The following KIF13A variants were observed in gnomAD, a reference collection of about 807,000 sequenced individuals.
The protein encoded by KIF13A is kinesin-like protein KIF13A.
KIF13A carries 79 observed loss-of-function variants against 212.2 expected under a neutral mutation model. The ratio of observed to expected loss-of-function variants is 0.37; its 90% confidence interval spans 0.31 to 0.45. The LOEUF (loss-of-function observed/expected upper bound fraction) is 0.45. Ranked by LOEUF, KIF13A falls within the 20% of genes least tolerant of loss-of-function variation. KIF13A has a pLI of 1.00. For missense variants in KIF13A, 1,901 were observed against 2,209.0 expected (o/e 0.86, Z 2.79); for synonymous variants, 789 against 808.6 (o/e 0.98, Z 0.41).
At position 17,984,066 on chromosome 6, in the gene KIF13A, G is replaced by C. The variant is rs547628250; in HGVS notation, c.146+2988C>G. 4.6e-5 allele frequency among the ~76,000 whole-genome samples: 7 copies of C among 152,250 alleles called. No homozygotes were observed. The highest frequency in any genetic ancestry group is 1.7e-4 in the African/African-American group (7 of 41,534). ...TAAGTGCCAGTATGCAGGAGCATGA[G>C]GTACAAAGAGAAGTAGGATAAGGTA... is the stretch of plus-strand genomic sequence containing the variant. On this transcript the variant is annotated intron_variant, in intron 2 of 38. Coordinates refer to ENST00000259711, the MANE Select transcript of KIF13A (RefSeq NM_022113.6). This position sits in a 1 kb window ranked among gnomAD's most constrained non-coding sequence, Gnocchi z 5.0.
At chr6:17,818,157 T>A (rs1373851800) in intron 16 of KIF13A, among the ~76,000 whole-genome samples, 2 of 152,236 alleles carry the variant, frequency 1.3e-5, no homozygotes, top group Non-Finnish European at 2.9e-5. Flanking sequence ...TCACAGTTAA[T>A]ATTTCCCAGA....
Position 17,793,678 on chromosome 6 carries a change from T to C in KIF13A, c.3222+571A>G, listed in dbSNP as rs554979933. On this transcript the variant is annotated intron_variant, in intron 25 of 38. Coordinates refer to ENST00000259711, the MANE Select transcript of KIF13A (RefSeq NM_022113.6). The stretch of plus-strand genomic sequence containing the variant: ...CTGTAATCCCTACACTTTGGGAGGC[T>C]GAGGCAGGAGGATCACTTGAGTCCA... 8.4e-4 allele frequency among the ~76,000 whole-genome samples: 127 copies of C among 150,976 alleles called. 1 individual carries two copies. Among genetic ancestry groups the C allele is most frequent in the African/African-American group, 2.8e-3 (114 of 40,438 alleles).
chr6:17,924,443 T>C (rs1229736774), intron 2 of KIF13A, among the ~76,000 whole-genome samples: 1 of 152,210 alleles, frequency 6.6e-6, no homozygotes, highest in Non-Finnish European at 1.5e-5. Flanking sequence ...TGTCCCTTTT[T>C]TTCTGATGTA....
chr6:17,771,079 C>T lies in KIF13A; in HGVS notation c.4581+35G>A, dbSNP rs750430422. On this transcript the variant is annotated intron_variant, in intron 38 of 38. Transcript: ENST00000259711. This position sits in a 1 kb window ranked among gnomAD's most constrained non-coding sequence, Gnocchi z 5.4. ...CTGTGAAAGGGCCTTAAACCCACCA[C>T]CAGGCAATATGACAGAAATGGTTCC... 4.3e-6 allele frequency: 6 copies of T among 1,411,568 alleles called. No homozygotes were observed. The highest frequency in any genetic ancestry group is 3.7e-5 in the Admixed American group (2 of 54,696). The allele number at this position is 1,411,568 out of a possible 1,614,324, so 87.4% of individuals were successfully genotyped here.
At chr6:17,954,156 C>A (rs1201458141) in intron 2 of KIF13A, among the ~76,000 whole-genome samples, 4 of 151,892 alleles carry the variant, frequency 2.6e-5, no homozygotes, top group African/African-American at 9.7e-5. Flanking sequence ...AAAAAATTAG[C>A]CAGGTGTGGT....
rs1768071217 is a variant in KIF13A, at chr6:17,855,671, T to C, written c.314-54A>G. ...AGGTAGAGGAGGGAGCAAAATGCAA[T>C]GCTTCAACCATACAAGGTTTCCCCA... On this transcript the variant is annotated intron_variant, in intron 5 of 38. Coordinates refer to ENST00000259711, the MANE Select transcript of KIF13A (RefSeq NM_022113.6). This position sits in a 1 kb window ranked among gnomAD's most constrained non-coding sequence, Gnocchi z 4.1. 4 of 1,386,258 alleles carry C rather than the reference T, an allele frequency of 2.9e-6. No individual in the cohort carries two copies. The highest frequency in any genetic ancestry group is 2.4e-5 in the Admixed American group (1 of 41,308). 85.9% of individuals were successfully genotyped at this position (1,386,258 alleles called of 1,614,324 possible). A position where few individuals can be genotyped will look rare whatever the true frequency, so the allele number is the denominator to read the frequency against.
chr6:17,885,691 CAG>C (rs1465074116), intron 3 of KIF13A, among the ~76,000 whole-genome samples: 1 of 152,178 alleles, frequency 6.6e-6, no homozygotes, highest in East Asian at 1.9e-4. Flanking sequence ...AATCTGAAAA[CAG>C]GAAATCATCC....
chr6:17,968,199 C>T lies in KIF13A; in HGVS notation c.146+18855G>A, dbSNP rs1779491781. The stretch of plus-strand genomic sequence containing the variant: ...TAGGAACCAGAGAACGAGAAGAACC[C>T]AGAGATCCCCGCTTACTCACCAGGA... On this transcript the variant is annotated intron_variant, in intron 2 of 38. Transcript: ENST00000259711. This position sits in a 1 kb window ranked among gnomAD's most constrained non-coding sequence, Gnocchi z 4.7. Among the ~76,000 whole-genome samples, 1 of 152,154 alleles carries T rather than the reference C, an allele frequency of 6.6e-6. No individual in the cohort carries two copies. Among genetic ancestry groups the T allele is most frequent in the Admixed American group, 6.5e-5 (1 of 15,276 alleles).
intron 2 of KIF13A, among the ~76,000 whole-genome samples, chr6:17,972,854 A>C (rs1437210865): frequency 2.1e-5 from 3 of 141,042 alleles, no homozygotes; most frequent in Non-Finnish European, 3.1e-5. Context: ...AAAAAAAAAA[A>C]CAAGGCTCCA....
intron 2 of KIF13A, among the ~76,000 whole-genome samples, chr6:17,973,646 CT>C (rs1360693261): frequency 6.6e-6 from 1 of 152,174 alleles, no homozygotes; most frequent in African/African-American, 2.4e-5. Flanking sequence ...TACAGACTAT[CT>C]AGTCCAGCCC....
In KIF13A at chr6:17,794,687, C is replaced by T. The variant is rs779969750; in HGVS notation, c.2960G>A (p.Arg987Gln). Reference sequence around the variant, plus strand: ...TATGGAGATCCACATTTCTATTCTTCGCGTTACTTCATTCCACCTGCAGAA... The same window carrying T: ...TATGGAGATCCACATTTCTATTCTTTGCGTTACTTCATTCCACCTGCAGAA... ...TLHDRWNEVT[R>Q]RIEMWISILE... The change falls in exon 24 of 39, where the codon CGA becomes CAA. Residue 987 changes from arginine (R) to glutamine (Q), a missense_variant. Around this residue, in one of 5 missense-constraint regions of KIF13A, gnomAD observed 168 missense variants for 250.9 expected, o/e 0.67. Transcript: ENST00000259711. The surrounding 1 kb of genome is among the most constrained non-coding windows in gnomAD (Gnocchi z 4.1). 3.0e-5 allele frequency: 48 copies of T among 1,609,850 alleles called. No homozygotes were observed. The highest frequency in any genetic ancestry group is 3.6e-5 in the Non-Finnish European group (42 of 1,179,044).
In KIF13A at chr6:17,951,148, G is replaced by T; in HGVS notation, c.146+35906C>A. 8.2e-7 allele frequency: 1 copy of T among 1,213,934 alleles called. No individual in the cohort carries two copies. Among genetic ancestry groups the T allele is most frequent in the Non-Finnish European group, 1.0e-6 (1 of 975,856 alleles). 75.2% of individuals were successfully genotyped at this position (1,213,934 alleles called of 1,614,324 possible). A position where few individuals can be genotyped will look rare whatever the true frequency, so the allele number is the denominator to read the frequency against. ...TGGGGTCTGATGCAATTCACCTCACGCCACTTTAATTTTTTATTTTTTTGA... is the reference window on the plus strand; with the variant it reads ...TGGGGTCTGATGCAATTCACCTCACTCCACTTTAATTTTTTATTTTTTTGA... On this transcript the variant is annotated intron_variant, in intron 2 of 38. Coordinates refer to ENST00000259711, the MANE Select transcript of KIF13A (RefSeq NM_022113.6). The surrounding 1 kb of genome is among the most constrained non-coding windows in gnomAD (Gnocchi z 4.9).
intron 20 of KIF13A, among the ~76,000 whole-genome samples, chr6:17,800,550 C>A (rs573053229): frequency 2.6e-5 from 4 of 151,698 alleles, no homozygotes; most frequent in Non-Finnish European, 5.9e-5. Context: ...GATTCTCCTG[C>A]CTCAGCCTTC....
intron 35 of KIF13A, 84 bp downstream of exon 35, chr6:17,774,931 C>T: frequency 9.8e-7 from 1 of 1,015,858 alleles, no homozygotes; most frequent in Non-Finnish European, 1.5e-6. Flanking sequence ...CAGGTGAGGC[C>T]CAGAGATTTT....
At chr6:17,836,516 A>C (rs546693670) in intron 11 of KIF13A, among the ~76,000 whole-genome samples, 1 of 152,360 alleles carries the variant, frequency 6.6e-6, no homozygotes, top group South Asian at 2.1e-4. Context: ...GATGCCAATA[A>C]ACACTGAAGT....
chr6:17,936,680 G>A (rs1303808303), intron 2 of KIF13A, among the ~76,000 whole-genome samples: 9 of 152,084 alleles, frequency 5.9e-5, no homozygotes, highest in African/African-American at 2.2e-4. Context: ...TCATAGATGA[G>A]GTTCAGACAA....
At chr6:17,784,372 C>G (rs995789638) in intron 28 of KIF13A, among the ~76,000 whole-genome samples, 2 of 152,050 alleles carry the variant, frequency 1.3e-5, no homozygotes, top group Admixed American at 1.3e-4. Context: ...GCACCAAGAT[C>G]GTGCCACTGG....
rs147202348 is a variant in KIF13A, at chr6:17,829,163, T to A, written c.1402-793A>T. ...GGTTTCACCATGTTCGCCAGCCTGG[T>A]CTTGAACTCCTGGCCTCAAGTGATC... is the stretch of plus-strand genomic sequence containing the variant. On this transcript the variant is annotated intron_variant, in intron 13 of 38. Coordinates refer to ENST00000259711, the MANE Select transcript of KIF13A (RefSeq NM_022113.6). The surrounding 1 kb of genome is among the most constrained non-coding windows in gnomAD (Gnocchi z 5.4). 0.012 allele frequency among the ~76,000 whole-genome samples: 1,778 copies of A among 152,316 alleles called. 18 individuals carry two copies. The highest frequency in any genetic ancestry group is 0.019 in the Admixed American group (287 of 15,304).
In KIF13A at chr6:17,850,377, G is replaced by C. The variant is rs1767522647; in HGVS notation, c.663C>G (p.Ser221=). The C allele has an allele frequency of 6.2e-7, 1 of 1,613,882 alleles. No individual in the cohort carries two copies. Residue 221 remains serine, a synonymous_variant, in exon 8 of 39, where the codon TCC becomes TCG. Transcript: ENST00000259711. This position sits in a 1 kb window ranked among gnomAD's most constrained non-coding sequence, Gnocchi z 6.2. Reference sequence around the variant, plus strand: ...TGATTATGATGTTGAACACAGCATGGGAGCGGCTGCTTTCTTCGTTCATGT... The same window carrying C: ...TGATTATGATGTTGAACACAGCATGCGAGCGGCTGCTTTCTTCGTTCATGT... ...ATNMNEESSR[S]HAVFNIIITQ... is the part of the protein sequence containing the mutation.
Sources: allele counts gnomAD v4.1 joint callset (sites outside exome capture counted in the v4.1 genomes callset), GRCh38; gene constraint gnomAD v4.1.1; regional missense constraint gnomAD v4.1.1; non-coding constraint Gnocchi (gnomAD v3.1); transcripts MANE v1.5; gene names NCBI Gene and HGNC (gene_info 2026-07-23, HGNC 2026-07-21).